The following PGAP1 variants were observed in gnomAD, a reference collection of about 807,000 sequenced individuals.
The protein encoded by PGAP1 is GPI inositol-deacylase.
Under a neutral mutation model 127.0 loss-of-function variants are expected in PGAP1, and 76 were observed. The observed-to-expected ratio is 0.60, with a 90% CI of 0.50 to 0.72. The LOEUF is 0.72. Ranked by LOEUF, PGAP1 falls within the 30% of genes least tolerant of loss-of-function variation. The pLI is 0.00. For synonymous variants in PGAP1, 362 were observed against 366.5 expected (o/e 0.99, Z 0.14); for missense variants, 982 against 1,071.3 (o/e 0.92, Z 1.16).
At chr2:196,846,170 T>A (rs1700550835) in intron 22 of PGAP1, among the ~76,000 whole-genome samples, 153 bp from the exon 23 acceptor site, 1 of 152,136 alleles carries the variant, frequency 6.6e-6, no homozygotes, top group Admixed American at 6.5e-5. Flanking sequence ...TAAAGGCAAG[T>A]GGTCCCAAAT....
chr2:196,880,966 C>A (rs753016272), intron 12 of PGAP1, among the ~76,000 whole-genome samples: 1 of 152,130 alleles, frequency 6.6e-6, no homozygotes, highest in Non-Finnish European at 1.5e-5. Flanking sequence ...TTTCATCACC[C>A]AGGTACTAAG....
chr2:196,834,598 A>G lies in PGAP1; in HGVS notation c.*6636T>C, dbSNP rs1700186802. On this transcript the variant is annotated 3_prime_UTR_variant, in exon 27 of 27. Coordinates refer to ENST00000354764, the MANE Select transcript of PGAP1 (RefSeq NM_024989.4). ...TCAGAAACTATAATACAATCACTTC[A>G]AAATAATATGTCATTTTTATATTTT... 1 of 152,484 alleles carries G rather than the reference A, an allele frequency of 6.6e-6. No homozygotes were observed. The highest frequency in any genetic ancestry group is 1.5e-5 in the Non-Finnish European group (1 of 67,894). 9.4% of individuals were successfully genotyped at this position (152,484 alleles called of 1,614,324 possible).
At chr2:196,919,030 T>C (rs1187319399) in intron 2 of PGAP1, among the ~76,000 whole-genome samples, 2 of 152,114 alleles carry the variant, frequency 1.3e-5, no homozygotes, top group African/African-American at 2.4e-5. Context: ...TAGCCTCCAA[T>C]GCACAAAACA....
At chr2:196,916,840 C>T (rs965736595) in intron 2 of PGAP1, among the ~76,000 whole-genome samples, 19 of 152,198 alleles carry the variant, frequency 1.2e-4, no homozygotes, top group African/African-American at 4.6e-4. Context: ...ATCACTCACT[C>T]TCTACCTTCT....
intron 7 of PGAP1, among the ~76,000 whole-genome samples, chr2:196,894,145 A>T (rs1413302909): frequency 6.6e-6 from 1 of 152,202 alleles, no homozygotes; most frequent in East Asian, 1.9e-4. Flanking sequence ...GCTATCTTAG[A>T]TTGGGAGACA....
Position 196,902,434 on chromosome 2 carries a change from C to T in PGAP1, c.807+151G>A, listed in dbSNP as rs568333512. ...ATTCATTTTCTCTCTTTCTCTCTTTCCCTCTCTCTCTTACACACATGCATG... is the reference window on the plus strand; with the variant it reads ...ATTCATTTTCTCTCTTTCTCTCTTTTCCTCTCTCTCTTACACACATGCATG... On this transcript the variant is annotated intron_variant, in intron 5 of 26. Transcript: ENST00000354764. 5.0e-5 allele frequency: 27 copies of T among 538,414 alleles called. No homozygotes were observed. The South Asian group carries it at 9.1e-4, about 18-fold the overall frequency. The allele number at this position is 538,414 out of a possible 1,614,324, so 33.4% of individuals were successfully genotyped here. A position where few individuals can be genotyped will look rare whatever the true frequency, so the allele number is the denominator to read the frequency against.
chr2:196,915,725 C>A (rs1387114307), intron 3 of PGAP1, among the ~76,000 whole-genome samples: 1 of 152,192 alleles, frequency 6.6e-6, no homozygotes, highest in African/African-American at 2.4e-5. Flanking sequence ...ACACACTCTA[C>A]CACTTCCTCC....
chr2:196,885,818 C>T lies in PGAP1; in HGVS notation c.1220+16G>A, dbSNP rs747858936. 1.4e-6 allele frequency: 2 copies of T among 1,391,680 alleles called. No individual in the cohort carries two copies. The highest frequency in any genetic ancestry group is 1.9e-6 in the Non-Finnish European group (2 of 1,064,662). 86.2% of individuals were successfully genotyped at this position (1,391,680 alleles called of 1,614,324 possible). ...GTTTATGTTGAGATAAATGAACATG[C>T]ATTCAAAAGACTTACCACATAGAAG... On this transcript the variant is annotated intron_variant, in intron 11 of 26. Transcript: ENST00000354764.
At chr2:196,898,272 G>T in intron 6 of PGAP1, 45 bp downstream of exon 6, 1 of 1,295,690 alleles carries the variant, frequency 7.7e-7, no homozygotes, top group Non-Finnish European at 1.1e-6. Context: ...GGAGAAAGAG[G>T]ACCATGACAA....
At chr2:196,902,355 T>A (rs563699120) in intron 5 of PGAP1, among the ~76,000 whole-genome samples, 1 of 152,174 alleles carries the variant, frequency 6.6e-6, no homozygotes, top group South Asian at 2.1e-4. Flanking sequence ...TTACTCCCTA[T>A]GGACATAAGC....
chr2:196,917,271 ATGGTTTAGCAAACAAAATACCTGTTT>A (rs1470898550), intron 2 of PGAP1, among the ~76,000 whole-genome samples: 1 of 152,190 alleles, frequency 6.6e-6, no homozygotes, highest in Non-Finnish European at 1.5e-5. Flanking sequence ...ATTGTAGCAT[ATGGTTTAGCAAACAAAATACCTGTTT>A]GCCATTTCAT....
At chr2:196,886,610 A>G (rs1024563013) in intron 10 of PGAP1, among the ~76,000 whole-genome samples, 2 of 152,220 alleles carry the variant, frequency 1.3e-5, no homozygotes, top group African/African-American at 4.8e-5. Flanking sequence ...AGACTTTTAT[A>G]CAAACATAAA....
intron 26 of PGAP1, 44 bp from the exon 27 acceptor site, chr2:196,841,416 T>C (rs200587420): frequency 1.9e-5 from 28 of 1,447,144 alleles, no homozygotes; most frequent in Admixed American, 1.2e-4. Flanking sequence ...GTGAACTACA[T>C]TGTGAGCCAA....
chr2:196,920,613 T>C (rs1703157711), intron 1 of PGAP1, among the ~76,000 whole-genome samples: 1 of 152,176 alleles, frequency 6.6e-6, no homozygotes, highest in Non-Finnish European at 1.5e-5. Context: ...TCAGTTGTTA[T>C]ATCTTCAAAA....
intron 5 of PGAP1, 109 bp from the exon 6 acceptor site, chr2:196,898,478 T>C: frequency 1.5e-6 from 1 of 668,206 alleles, no homozygotes; most frequent in South Asian, 1.9e-5. Context: ...AGTTTCACTA[T>C]ATTGTGAGGC....
chr2:196,847,900 A>ACATGTAACATTATATTTGGTTC, intron 21 of PGAP1, 47 bp downstream of exon 21: 1 of 1,306,632 alleles, frequency 7.7e-7, no homozygotes, highest in Non-Finnish European at 1.0e-6. Flanking sequence ...ATATAATGTT[A>ACATGTAACATTATATTTGGTTC]CATGTAAAAC....
At chr2:196,899,380 G>A (rs1165582456) in intron 5 of PGAP1, among the ~76,000 whole-genome samples, 1 of 152,156 alleles carries the variant, frequency 6.6e-6, no homozygotes, top group African/African-American at 2.4e-5. Flanking sequence ...TCTGAAGTGG[G>A]AGGAATCTAC....
intron 22 of PGAP1, among the ~76,000 whole-genome samples, chr2:196,846,509 G>T (rs959262450): frequency 3.3e-5 from 5 of 152,048 alleles, no homozygotes; most frequent in Non-Finnish European, 7.4e-5. Context: ...GTGGCAATGG[G>T]CACTAGATTG....
At chr2:196,875,158 A>G (rs1405033076) in intron 14 of PGAP1, among the ~76,000 whole-genome samples, 1 of 152,236 alleles carries the variant, frequency 6.6e-6, no homozygotes, top group Non-Finnish European at 1.5e-5. Flanking sequence ...GAGACTTAGG[A>G]GTCATGACAA....
Sources: gnomAD v4.1 joint callset for allele counts (sites outside exome capture counted in the v4.1 genomes callset) on GRCh38, gnomAD v4.1.1 for gene constraint, MANE v1.5 for transcripts, NCBI Gene and HGNC (gene_info 2026-07-23, HGNC 2026-07-21) for gene names.